SLC30A9: variants seen among roughly 807,000 people sequenced by gnomAD.
SLC30A9 encodes the protein proton-coupled zinc antiporter SLC30A9, mitochondrial.
A neutral mutation model predicts 87.5 loss-of-function variants in SLC30A9; 58 were observed. The ratio of observed to expected loss-of-function variants is 0.66; its 90% CI spans 0.54 to 0.82. The LOEUF is 0.82. Among genes scored for constraint, SLC30A9 ranks in the 40% least tolerant of loss-of-function variants. The pLI, the probability that SLC30A9 is intolerant of heterozygous loss-of-function variation, is 0.00. For synonymous variants in SLC30A9, 234 were observed against 233.0 expected (o/e 1.00, Z -0.04); for missense variants, 557 against 679.1 (o/e 0.82, Z 2.00).
intron 14 of SLC30A9, among the ~76,000 whole-genome samples, chr4:42,067,534 G>C (rs1301209086): frequency 2.0e-5 from 3 of 152,056 alleles, no homozygotes; most frequent in African/African-American, 7.2e-5. Context: ...AACCTCTTAG[G>C]TTTATTAAGA....
chr4:42,066,447 A>G, intron 12 of SLC30A9, 103 bp from the exon 13 acceptor site: 1 of 607,644 alleles, frequency 1.6e-6, no homozygotes, highest in Non-Finnish European at 2.9e-6. Flanking sequence ...TGCCAACCCT[A>G]GTTTTAAAAT....
chr4:42,032,232 C>G (rs1716476935), intron 6 of SLC30A9, among the ~76,000 whole-genome samples: 1 of 151,986 alleles, frequency 6.6e-6, no homozygotes, highest in Non-Finnish European at 1.5e-5. Flanking sequence ...GGCCCCACCT[C>G]CAACAATTGG....
intron 10 of SLC30A9, among the ~76,000 whole-genome samples, chr4:42,060,635 A>G (rs1717806295): frequency 6.6e-6 from 1 of 152,174 alleles, no homozygotes; most frequent in East Asian, 1.9e-4. Context: ...ACTTATTTTA[A>G]TCCTCCTGTT....
At chr4:42,038,733 C>T (rs1482736293) in intron 7 of SLC30A9, among the ~76,000 whole-genome samples, 5 of 152,186 alleles carry the variant, frequency 3.3e-5, no homozygotes, top group Admixed American at 2.6e-4. Flanking sequence ...ATGTAGCCAG[C>T]TCAGATCCTT....
At chr4:42,028,420 C>T (rs138834685) in intron 6 of SLC30A9, among the ~76,000 whole-genome samples, 72 of 152,236 alleles carry the variant, frequency 4.7e-4, no homozygotes, top group African/African-American at 1.7e-3. Flanking sequence ...CGCCCAGCCA[C>T]GTGAGAATAT....
intron 2 of SLC30A9, among the ~76,000 whole-genome samples, chr4:42,006,659 C>A (rs1481101297): frequency 1.3e-5 from 2 of 149,906 alleles, no homozygotes; most frequent in African/African-American, 4.9e-5. Flanking sequence ...TGCACTCTAG[C>A]CTGGGCAACA....
At chr4:42,024,393 C>T (rs567408263) in intron 6 of SLC30A9, among the ~76,000 whole-genome samples, 2 of 152,256 alleles carry the variant, frequency 1.3e-5, no homozygotes, top group South Asian at 2.1e-4. Context: ...TAATCATAAC[C>T]GTTTTCCATA....
At chr4:42,014,080 G>T (rs1715585708) in intron 2 of SLC30A9, among the ~76,000 whole-genome samples, 1 of 152,142 alleles carries the variant, frequency 6.6e-6, no homozygotes, top group Non-Finnish European at 1.5e-5. Context: ...TATCTCAAGA[G>T]ACGTTTTCAA....
At chr4:41,996,275 T>A (rs1268024257) in intron 1 of SLC30A9, among the ~76,000 whole-genome samples, 4 of 151,844 alleles carry the variant, frequency 2.6e-5, no homozygotes, top group Non-Finnish European at 1.5e-5. Flanking sequence ...TTTGTGTTTT[T>A]AGTAGAGATG....
chr4:42,044,364 T>A (rs1317859839), intron 8 of SLC30A9, among the ~76,000 whole-genome samples: 3 of 127,182 alleles, frequency 2.4e-5, no homozygotes, highest in African/African-American at 8.7e-5. Context: ...AATGGAGGAA[T>A]ATTTACCAAG....
chr4:42,018,112 A>G lies in SLC30A9; in HGVS notation c.276A>G (p.Ala92=), dbSNP rs765048515. The G allele has an allele frequency of 1.7e-5, 26 of 1,528,676 alleles. No homozygotes were observed. Among genetic ancestry groups the G allele is most frequent in the Non-Finnish European group, 2.3e-5 (25 of 1,108,276 alleles). The allele number at this position is 1,528,676 out of a possible 1,614,324, so 94.7% of individuals were successfully genotyped here. Residue 92 remains alanine (A), a splice_region_variant and synonymous_variant, in exon 3 of 18, where the codon GCA becomes GCG. Transcript: ENST00000264451. ...RVEKVPSFET[A]EGIGTELKAP... ...AACTTCTTTTAATAAACTTTACAGC[A>G]GAAGGTATAGGCACAGAACTCAAAG...
At position 41,992,341 on chromosome 4, in the gene SLC30A9, A is replaced by G. The variant is rs1714484527; in HGVS notation, c.109+1581A>G. Reference sequence around the variant, plus strand: ...GGGTGACAGAGTGAGACCTGTCTCAAAAAAAAAAAAAGAAAAGAAAAAGAA... The same window carrying G: ...GGGTGACAGAGTGAGACCTGTCTCAGAAAAAAAAAAAGAAAAGAAAAAGAA... On this transcript the variant is annotated intron_variant, in intron 1 of 17. Coordinates refer to ENST00000264451, the MANE Select transcript of SLC30A9 (RefSeq NM_006345.4). 2.7e-5 allele frequency among the ~76,000 whole-genome samples: 4 copies of G among 147,884 alleles called. No individual in the cohort carries two copies. The South Asian group carries it at 8.4e-4, about 31-fold the overall frequency.
chr4:42,059,082 A>G (rs1320626990), intron 9 of SLC30A9, among the ~76,000 whole-genome samples: 1 of 152,192 alleles, frequency 6.6e-6, no homozygotes, highest in Non-Finnish European at 1.5e-5. Flanking sequence ...AAGTATTTTC[A>G]AGTTTCTTTA....
intron 2 of SLC30A9, among the ~76,000 whole-genome samples, chr4:42,008,381 C>T (rs1162470787): frequency 2.6e-5 from 4 of 152,094 alleles, no homozygotes; most frequent in Non-Finnish European, 4.4e-5. Flanking sequence ...ATTTTATTTC[C>T]TCATCACCTA....
At chr4:42,023,555 A>G (rs1280295101) in intron 6 of SLC30A9, among the ~76,000 whole-genome samples, 171 bp downstream of exon 6, 1 of 152,178 alleles carries the variant, frequency 6.6e-6, no homozygotes, top group Non-Finnish European at 1.5e-5. Flanking sequence ...CAGGAACTGT[A>G]TTTTTGTTTT....
chr4:42,001,366 T>C (rs2660330), intron 1 of SLC30A9, among the ~76,000 whole-genome samples: 96,818 of 151,914 alleles, frequency 0.64, 35,582 homozygotes, highest in East Asian at 0.96. Context: ...AGAGTATCTA[T>C]TATGTACTAT....
Position 42,075,333 on chromosome 4 carries a change from G to A in SLC30A9, c.1419-324G>A, listed in dbSNP as rs565873876. ...AGGTGATCCTCCCTGCTCGGCCTCCGAAAGTGTTGGGATTACAGGCATGAG... is the reference window on the plus strand; with the variant it reads ...AGGTGATCCTCCCTGCTCGGCCTCCAAAAGTGTTGGGATTACAGGCATGAG... On this transcript the variant is annotated intron_variant, in intron 15 of 17. Transcript: ENST00000264451. 1.3e-3 allele frequency among the ~76,000 whole-genome samples: 200 copies of A among 151,454 alleles called. 1 individual carries two copies. The highest frequency in any genetic ancestry group is 6.8e-3 in the Middle Eastern group (2 of 294).
rs138306900 is a variant in SLC30A9, at chr4:42,070,527, C to A, written c.1254C>A (p.Gly418=). The change falls in exon 15 of 18, where the codon GGC becomes GGA. Residue 418 remains glycine (G), a splice_region_variant and synonymous_variant. Coordinates refer to ENST00000264451, the MANE Select transcript of SLC30A9 (RefSeq NM_006345.4). The stretch of plus-strand genomic sequence containing the variant: ...GATTTTTTTATGTGCTTCATTTAGG[C>A]AATCCACTGTATGACAGCCTAGGTT... ...ATCMGLTSIT[G]NPLYDSLGSL... is the part of the protein sequence containing the mutation. 2.5e-6 allele frequency: 4 copies of A among 1,608,704 alleles called. No homozygotes were observed. The African/African-American group carries it at 5.3e-5, about 22-fold the overall frequency.
chr4:42,049,451 T>TAC lies in SLC30A9; in HGVS notation c.815_816dup (p.Ser273ThrfsTer12), dbSNP rs781640579. 1 of 1,604,804 alleles carries TAC rather than the reference T, an allele frequency of 6.2e-7. No individual in the cohort carries two copies. The highest frequency in any genetic ancestry group is 1.1e-5 in the South Asian group (1 of 89,830). ...TCAGCAAGTATGTTCTCAGAAGCTA[T>TAC]ACACTCATTATCTGATACTTGTAAT... On this transcript the variant is annotated frameshift_variant, in exon 9 of 18. Transcript: ENST00000264451. LOFTEE classifies it high-confidence loss of function.
Sources: gnomAD v4.1 joint callset for allele counts (sites outside exome capture counted in the v4.1 genomes callset) on GRCh38, gnomAD v4.1.1 for gene constraint, MANE v1.5 for transcripts, NCBI Gene and HGNC (gene_info 2026-07-23, HGNC 2026-07-21) for gene names.